CLNK: variants seen among roughly 807,000 people sequenced by gnomAD.
The protein encoded by CLNK is cytokine-dependent hematopoietic cell linker.
Under a neutral mutation model 68.6 loss-of-function variants are expected in CLNK, and 74 were observed. That is an observed-to-expected ratio of 1.08 (90% CI 0.89 to 1.31). The LOEUF is 1.31. Ranked by LOEUF, CLNK falls within the 50% of genes most tolerant of loss-of-function variation. The pLI is 0.00. For synonymous variants in CLNK, 198 were observed against 172.2 expected (o/e 1.15, Z -1.17); for missense variants, 553 against 515.3 (o/e 1.07, Z -0.71).
At chr4:10,561,564 A>T (rs1425408029) in intron 7 of CLNK, among the ~76,000 whole-genome samples, 1 of 152,156 alleles carries the variant, frequency 6.6e-6, no homozygotes, top group African/African-American at 2.4e-5. Flanking sequence ...TTCAGCTCAA[A>T]TTTTTTAGTT....
chr4:10,624,024 C>G (rs529661264), intron 2 of CLNK, among the ~76,000 whole-genome samples: 1 of 152,286 alleles, frequency 6.6e-6, no homozygotes, highest in South Asian at 2.1e-4. Context: ...ATGATGGTGT[C>G]CCAGTGACGG....
chr4:10,542,410 G>A (rs977246695), intron 8 of CLNK, 130 bp from the exon 9 acceptor site: 1 of 647,238 alleles, frequency 1.5e-6, no homozygotes, highest in African/African-American at 1.9e-5. Flanking sequence ...TATTTGCTGA[G>A]ATCATATGAG....
intron 8 of CLNK, among the ~76,000 whole-genome samples, chr4:10,549,162 C>A (rs531546636): frequency 2.4e-4 from 37 of 152,222 alleles, no homozygotes; most frequent in Middle Eastern, 6.8e-3. Context: ...GGATTTCAGC[C>A]GCATCAAATA....
intron 2 of CLNK, among the ~76,000 whole-genome samples, chr4:10,657,747 C>A (rs1454802145): frequency 1.3e-5 from 2 of 152,194 alleles, no homozygotes; most frequent in African/African-American, 4.8e-5. Context: ...ACGGCCAACA[C>A]AGGATTTTAA....
At chr4:10,700,441 C>T in the CLNK span, among the ~76,000 whole-genome samples, 1 of 152,136 alleles carries the variant, frequency 6.6e-6, no homozygotes, top group East Asian at 1.9e-4. Flanking sequence ...TTTTGCAAGA[C>T]AGACTTAGGT....
intron 2 of CLNK, among the ~76,000 whole-genome samples, chr4:10,655,637 ATTTTTTTTTTTT>A (rs869196104): frequency 1.5e-4 from 11 of 74,780 alleles, no homozygotes; most frequent in East Asian, 3.8e-4. Context: ...GATAGATAGC[ATTTTTTTTTTTT>A]TTTTTTTTTT....
chr4:10,557,625 G>C (rs905438382), intron 8 of CLNK, among the ~76,000 whole-genome samples: 3 of 152,132 alleles, frequency 2.0e-5, no homozygotes, highest in African/African-American at 4.8e-5. Context: ...ACAATCACCT[G>C]GTAAGTAGTT....
chr4:10,733,256 C>G, the CLNK span, among the ~76,000 whole-genome samples: 1 of 152,144 alleles, frequency 6.6e-6, no homozygotes, highest in East Asian at 1.9e-4. Flanking sequence ...AAACCCTGTG[C>G]CACAATCCAC....
In CLNK at chr4:10,540,679, G is replaced by T. The variant is rs903497592; in HGVS notation, c.492-75C>A. On this transcript the variant is annotated intron_variant, in intron 10 of 18. Transcript: ENST00000226951. ...ATGCCTCAGGCCCTGAATCCACACT[G>T]CTCTGCCCTCCGTGTCCCCAGCTTT... 7.0e-6 allele frequency: 7 copies of T among 993,620 alleles called. No homozygotes were observed. In the African/African-American group the frequency reaches 9.6e-5, roughly 14 times the overall value. 61.6% of individuals were successfully genotyped at this position (993,620 alleles called of 1,614,324 possible).
chr4:10,733,081 C>T, the CLNK span, among the ~76,000 whole-genome samples: 3 of 152,216 alleles, frequency 2.0e-5, no homozygotes, highest in East Asian at 1.9e-4. Context: ...TCCAAGCCCC[C>T]CTTTCGGTTA....
chr4:10,572,325 A>G (rs1039874740), intron 4 of CLNK, among the ~76,000 whole-genome samples: 21 of 152,254 alleles, frequency 1.4e-4, no homozygotes, highest in African/African-American at 5.1e-4. Context: ...GTTATGGACC[A>G]GGTGTTTGTT....
intron 2 of CLNK, among the ~76,000 whole-genome samples, chr4:10,640,648 G>A (rs1037115681): frequency 6.6e-6 from 1 of 152,192 alleles, no homozygotes; most frequent in Admixed American, 6.5e-5. Flanking sequence ...CTATGGCCAG[G>A]CTATTACTCA....
rs576090145 is a variant in CLNK at position 10,550,756 on chromosome 4, C to T, written c.445+7651G>A. ...TCATTTTTATTGTCGATCCCAGTAA[C>T]CTCAGCATACAATATTTTTTCTTTC... On this transcript the variant is annotated intron_variant, in intron 8 of 18. Transcript: ENST00000226951. Among the ~76,000 whole-genome samples the T allele has an allele frequency of 3.3e-5, 5 of 152,266 alleles. No individual in the cohort carries two copies. The South Asian group carries it at 1.0e-3, about 32-fold the overall frequency.
intron 8 of CLNK, among the ~76,000 whole-genome samples, chr4:10,545,145 T>C (rs906701416): frequency 5.9e-5 from 9 of 152,182 alleles, no homozygotes; most frequent in African/African-American, 2.2e-4. Context: ...CATACAAATA[T>C]ATTCATTCCT....
At chr4:10,570,820 T>C (rs1720315171) in intron 5 of CLNK, among the ~76,000 whole-genome samples, 1 of 152,242 alleles carries the variant, frequency 6.6e-6, no homozygotes, top group Non-Finnish European at 1.5e-5. Context: ...TTTTCTCTAG[T>C]TGTTAAAATT....
At chr4:10,593,149 G>T (rs567336672) in intron 3 of CLNK, among the ~76,000 whole-genome samples, 1 of 152,322 alleles carries the variant, frequency 6.6e-6, no homozygotes, top group Admixed American at 6.5e-5. Context: ...CTTTGCTTGT[G>T]AGACCTTTCA....
At chr4:10,677,924 A>G (rs1033633442) in intron 1 of CLNK, among the ~76,000 whole-genome samples, 6 of 152,160 alleles carry the variant, frequency 3.9e-5, no homozygotes, top group Non-Finnish European at 7.4e-5. Context: ...TCCGTTATAC[A>G]GCAACAATCC....
the CLNK span, among the ~76,000 whole-genome samples, chr4:10,699,761 G>A: frequency 5.2e-4 from 79 of 151,274 alleles, no homozygotes; most frequent in African/African-American, 1.7e-3. Flanking sequence ...TGATCCATCC[G>A]CCTCAGCCTC....
At chr4:10,717,020 G>GAAAA in the CLNK span, among the ~76,000 whole-genome samples, 1 of 145,786 alleles carries the variant, frequency 6.9e-6, no homozygotes, top group Non-Finnish European at 1.5e-5. Context: ...AAACGCCACA[G>GAAAA]AAAAAAAAAA....
Sources: gnomAD v4.1 joint callset for allele counts (sites outside exome capture counted in the v4.1 genomes callset) on GRCh38, gnomAD v4.1.1 for gene constraint, MANE v1.5 for transcripts, NCBI Gene and HGNC (gene_info 2026-07-23, HGNC 2026-07-21) for gene names.